VKORC1L1: variants seen among roughly 807,000 people sequenced by gnomAD.
The protein encoded by VKORC1L1 is vitamin K epoxide reductase complex subunit 1L1.
Under a neutral mutation model 18.9 loss-of-function variants are expected in VKORC1L1, and 2 were observed. The observed-to-expected ratio is 0.11, with a 90% CI of 0.04 to 0.33. The LOEUF is 0.33. Among genes scored for constraint, VKORC1L1 ranks in the 10% least tolerant of loss-of-function variants. The pLI is 1.00. For missense variants in VKORC1L1, 123 were observed against 224.1 expected, an observed-to-expected ratio of 0.55 and a Z score of 2.88; for synonymous variants, 96 against 100.0, an observed-to-expected ratio of 0.96 and a Z score of 0.24.
chr7:65,915,093 CTTT>C (rs35662337), intron 1 of VKORC1L1, among the ~76,000 whole-genome samples: 3 of 123,540 alleles, frequency 2.4e-5, no homozygotes, highest in Non-Finnish European at 5.2e-5. Flanking sequence ...TTTTTTTTTT[CTTT>C]TTTTTTTTTT....
In VKORC1L1 at chr7:65,873,509, C is replaced by T; in HGVS notation, c.138C>T (p.His46=). Residue 46 remains histidine, a synonymous_variant, in exon 1 of 3, where the codon CAC becomes CAT. Transcript: ENST00000360768. ...VEREKERDPE[H]RALCDLGPWV... Reference sequence around the variant, plus strand: ...GGGAGAAGGAGCGGGACCCCGAGCACCGGGCCCTCTGCGACCTGGGGCCCT... The same window carrying T: ...GGGAGAAGGAGCGGGACCCCGAGCATCGGGCCCTCTGCGACCTGGGGCCCT... The T allele has an allele frequency of 6.3e-7, 1 of 1,593,090 alleles. No homozygotes were observed. Among genetic ancestry groups the T allele is most frequent in the Non-Finnish European group, 8.5e-7 (1 of 1,171,762 alleles).
chr7:65,873,810 T>G lies in VKORC1L1; in HGVS notation c.194+245T>G, dbSNP rs867078947. On this transcript the variant is annotated intron_variant, in intron 1 of 2. Coordinates refer to ENST00000360768, the MANE Select transcript of VKORC1L1 (RefSeq NM_173517.6). ...GCGAGGCAGCCGGGGAGGGATGAGG[T>G]GGCAGAGTGCAGCCGGGAGGCCGGG... Among the ~76,000 whole-genome samples, 47 of 149,218 alleles carry G rather than the reference T, an allele frequency of 3.1e-4. 1 individual carries two copies. In the South Asian group the frequency reaches 5.5e-3, roughly 18 times the overall value.
At chr7:65,868,883 A>G (rs1433235941), upstream of VKORC1L1, among the ~76,000 whole-genome samples, 3 of 152,112 alleles carry the variant, frequency 2.0e-5, no homozygotes, top group Admixed American at 1.3e-4. Context: ...ATGGCTACAC[A>G]CAAAGCCCAG....
chr7:65,935,195 C>T (rs1228374277), intron 1 of VKORC1L1, among the ~76,000 whole-genome samples: 3 of 152,058 alleles, frequency 2.0e-5, no homozygotes, highest in Non-Finnish European at 4.4e-5. Context: ...AGTAAGTTCT[C>T]TTTATTTTCT....
At chr7:65,927,780 C>T (rs1366953246) in intron 1 of VKORC1L1, among the ~76,000 whole-genome samples, 2 of 152,220 alleles carry the variant, frequency 1.3e-5, no homozygotes, top group African/African-American at 2.4e-5. Flanking sequence ...AGTCTCAGCA[C>T]TCTCCAAACA....
chr7:65,951,956 C>A (rs762320475), intron 2 of VKORC1L1, among the ~76,000 whole-genome samples: 9 of 152,156 alleles, frequency 5.9e-5, no homozygotes, highest in Non-Finnish European at 1.3e-4. Context: ...GGGAATTTGA[C>A]CCTGAGCCAA....
intron 1 of VKORC1L1, among the ~76,000 whole-genome samples, chr7:65,889,122 A>G (rs1583826939): frequency 7.0e-6 from 1 of 143,550 alleles, no homozygotes; most frequent in East Asian, 2.0e-4. Flanking sequence ...ATTCTCCTGT[A>G]TCTGGCCATT....
At chr7:65,905,844 A>AC (rs1476703214) in intron 1 of VKORC1L1, among the ~76,000 whole-genome samples, 1 of 152,094 alleles carries the variant, frequency 6.6e-6, no homozygotes, top group Non-Finnish European at 1.5e-5. Flanking sequence ...AAACTTGATT[A>AC]CCCCAGACAC....
upstream of VKORC1L1, among the ~76,000 whole-genome samples, chr7:65,868,183 AG>A (rs1788685674): frequency 6.6e-6 from 1 of 151,948 alleles, no homozygotes; most frequent in Non-Finnish European, 1.5e-5. Flanking sequence ...CAGTCAGGTG[AG>A]ATGGCTCGCA....
rs563048143 is a variant in VKORC1L1 at position 65,923,693 on chromosome 7, C to A, written c.195-24978C>A. On this transcript the variant is annotated intron_variant, in intron 1 of 2. Coordinates refer to ENST00000360768, the MANE Select transcript of VKORC1L1 (RefSeq NM_173517.6). ...GCCTTGACAAATTAAGAGTGTGAGA[C>A]CAAAAAGTGTTTCCAGCTGAATGGG... 2.9e-4 allele frequency among the ~76,000 whole-genome samples: 44 copies of A among 152,248 alleles called. No homozygotes were observed. The South Asian group carries it at 8.5e-3, about 29-fold the overall frequency.
rs35662337 is a variant in VKORC1L1 at position 65,915,093 on chromosome 7, C to CT, written c.195-33563dup. Among the ~76,000 whole-genome samples, 754 of 123,520 alleles carry CT rather than the reference C, an allele frequency of 6.1e-3. 9 individuals are homozygous for CT. The highest frequency in any genetic ancestry group is 0.018 in the African/African-American group (621 of 34,254). 81.0% of individuals were successfully genotyped at this position (123,520 alleles called of 152,430 possible). A position where few individuals can be genotyped will look rare whatever the true frequency, so the allele number is the denominator to read the frequency against. The stretch of plus-strand genomic sequence containing the variant: ...AGCTTATTTTTTTTCTTTTTTTTTT[C>CT]TTTTTTTTTTTTTTTGAGACAAGAG... On this transcript the variant is annotated intron_variant, in intron 1 of 2. Coordinates refer to ENST00000360768, the MANE Select transcript of VKORC1L1 (RefSeq NM_173517.6).
intron 1 of VKORC1L1, among the ~76,000 whole-genome samples, chr7:65,876,881 A>T (rs1788835838): frequency 6.6e-6 from 1 of 152,208 alleles, no homozygotes; most frequent in Non-Finnish European, 1.5e-5. Context: ...CCGTGTCTTT[A>T]CAAAAAATAC....
chr7:65,957,582 C>G lies in VKORC1L1; in HGVS notation c.*3282C>G, dbSNP rs1018349842. On this transcript the variant is annotated 3_prime_UTR_variant, in exon 3 of 3. Transcript: ENST00000360768. ...GCATGGTGGCTCACACCTGTAATCCCAGCACTTTGGGAGGCCGAGGCGGTT... is the reference window on the plus strand; with the variant it reads ...GCATGGTGGCTCACACCTGTAATCCGAGCACTTTGGGAGGCCGAGGCGGTT... 1.3e-5 allele frequency: 2 copies of G among 152,088 alleles called. No homozygotes were observed. Among genetic ancestry groups the G allele is most frequent in the Non-Finnish European group, 2.9e-5 (2 of 68,106 alleles). 9.4% of individuals were successfully genotyped at this position (152,088 alleles called of 1,614,324 possible). A position where few individuals can be genotyped will look rare whatever the true frequency, so the allele number is the denominator to read the frequency against.
At chr7:65,881,345 C>T (rs1248682130) in intron 1 of VKORC1L1, among the ~76,000 whole-genome samples, 5 of 152,272 alleles carry the variant, frequency 3.3e-5, no homozygotes, top group Middle Eastern at 3.4e-3. Context: ...ATTTGTCTGC[C>T]AGGTTATCTC....
At chr7:65,883,833 A>C (rs1407123796) in intron 1 of VKORC1L1, among the ~76,000 whole-genome samples, 4 of 152,152 alleles carry the variant, frequency 2.6e-5, no homozygotes, top group Non-Finnish European at 1.5e-5. Flanking sequence ...ATAAAATTTC[A>C]TTTAGAAAAA....
chr7:65,895,481 ATATATATATATATATATAT>A (rs1390399128), intron 1 of VKORC1L1, among the ~76,000 whole-genome samples: 4 of 23,594 alleles, frequency 1.7e-4, no homozygotes, highest in African/African-American at 3.8e-4. Context: ...AAAAAAAAAA[ATATATATATATATATATAT>A]ATATATATAT....
chr7:65,887,809 TG>T (rs2116350500), intron 1 of VKORC1L1, among the ~76,000 whole-genome samples: 1 of 152,358 alleles, frequency 6.6e-6, no homozygotes, highest in Admixed American at 6.5e-5. Flanking sequence ...TTTTTAATTT[TG>T]TTTTTTTTCC....
rs895543013 is a variant in VKORC1L1 at position 65,956,829 on chromosome 7, C to G, written c.*2529C>G. 2 of 152,180 alleles carry G rather than the reference C, an allele frequency of 1.3e-5. No homozygotes were observed. Among genetic ancestry groups the G allele is most frequent in the Admixed American group, 6.5e-5 (1 of 15,268 alleles). 9.4% of individuals were successfully genotyped at this position (152,180 alleles called of 1,614,324 possible). A position where few individuals can be genotyped will look rare whatever the true frequency, so the allele number is the denominator to read the frequency against. On this transcript the variant is annotated 3_prime_UTR_variant, in exon 3 of 3. Transcript: ENST00000360768. ...TTGAACACTGCAGCATTACTAGCCACCAGTGTTAAAGGACAGATGAGGGGA... is the reference window on the plus strand; with the variant it reads ...TTGAACACTGCAGCATTACTAGCCAGCAGTGTTAAAGGACAGATGAGGGGA...
intron 1 of VKORC1L1, among the ~76,000 whole-genome samples, chr7:65,884,980 T>C (rs1479149342): frequency 6.6e-6 from 1 of 152,236 alleles, no homozygotes; most frequent in Non-Finnish European, 1.5e-5. Flanking sequence ...ACAAAGGTTT[T>C]TTCAAGTCTA....
Sources: allele counts gnomAD v4.1 joint callset (sites outside exome capture counted in the v4.1 genomes callset), GRCh38; gene constraint gnomAD v4.1.1; transcripts MANE v1.5; gene names NCBI Gene and HGNC (gene_info 2026-07-23, HGNC 2026-07-21).